The following GAREM1 variants were observed in gnomAD, a reference collection of about 807,000 sequenced individuals.
The protein encoded by GAREM1 is GRB2-associated and regulator of MAPK protein 1.
Under a neutral mutation model 71.3 loss-of-function variants are expected in GAREM1, and 26 were observed. That is an observed-to-expected ratio of 0.36 (90% CI 0.27 to 0.51). The LOEUF (loss-of-function observed/expected upper bound fraction) is 0.51, where lower values mean the gene tolerates loss of function less well. GAREM1 is among the 20% of genes least tolerant of loss of function. GAREM1 has a pLI of 0.95. For missense variants in GAREM1, 1,026 were observed against 1,103.1 expected, an observed-to-expected ratio of 0.93 and a Z score of 0.99; for synonymous variants, 440 against 433.2, an observed-to-expected ratio of 1.02 and a Z score of -0.20.
intron 2 of GAREM1, among the ~76,000 whole-genome samples, chr18:32,340,708 T>C (rs970086651): frequency 3.9e-5 from 6 of 152,186 alleles, no homozygotes; most frequent in Admixed American, 1.3e-4. Flanking sequence ...TTATATAGTA[T>C]TTACTGGATG....
intron 2 of GAREM1, among the ~76,000 whole-genome samples, chr18:32,363,886 T>C (rs1050320773): frequency 6.8e-6 from 1 of 146,086 alleles, no homozygotes; most frequent in African/African-American, 2.6e-5. Context: ...TCTTTCATCA[T>C]ATTTTGGTCA....
intron 1 of GAREM1, among the ~76,000 whole-genome samples, chr18:32,453,232 C>G (rs1222904628): frequency 3.3e-5 from 5 of 152,204 alleles, no homozygotes; most frequent in Non-Finnish European, 5.9e-5. Flanking sequence ...GAGAACAGTA[C>G]AGGGGAAACT....
Position 32,268,165 on chromosome 18 carries a change from G to A in GAREM1, c.2337C>T (p.Ala779=). Residue 779 remains alanine, a synonymous_variant, in exon 6 of 6, where the codon GCC becomes GCT. Transcript: ENST00000269209. The part of the protein sequence containing the change: ...VKKGMQDIFS[A]SYPFSSPLHL... ...GGAGCGGAGATGAGAAAGGGTAGGAGGCAGAGAAGATGTCCTGCATGCCCT... is the reference window on the plus strand; with the variant it reads ...GGAGCGGAGATGAGAAAGGGTAGGAAGCAGAGAAGATGTCCTGCATGCCCT... The A allele has an allele frequency of 1.2e-6, 2 of 1,614,118 alleles. No homozygotes were observed. Among genetic ancestry groups the A allele is most frequent in the South Asian group, 2.2e-5 (2 of 91,064 alleles).
chr18:32,281,621 C>A (rs2046952044), intron 4 of GAREM1, among the ~76,000 whole-genome samples: 1 of 152,196 alleles, frequency 6.6e-6, no homozygotes, highest in African/African-American at 2.4e-5. Context: ...TTTCCTTTTA[C>A]CAGGAATTGC....
At chr18:32,355,541 T>G (rs184403817) in intron 2 of GAREM1, among the ~76,000 whole-genome samples, 2 of 152,176 alleles carry the variant, frequency 1.3e-5, no homozygotes, top group Admixed American at 6.5e-5. Flanking sequence ...GTTTCATCAC[T>G]AAAAAGAGTG....
intron 2 of GAREM1, among the ~76,000 whole-genome samples, chr18:32,328,235 C>T (rs1003308085): frequency 6.6e-6 from 1 of 152,070 alleles, no homozygotes; most frequent in African/African-American, 2.4e-5. Flanking sequence ...TTTCCAATGT[C>T]TATTCAATTT....
intron 5 of GAREM1, among the ~76,000 whole-genome samples, chr18:32,269,657 T>TA (rs1056332554): frequency 6.6e-6 from 1 of 152,134 alleles, no homozygotes; most frequent in Non-Finnish European, 1.5e-5. Context: ...CTCAATATAA[T>TA]AAAGGGTGTT....
intron 2 of GAREM1, among the ~76,000 whole-genome samples, chr18:32,339,868 T>C (rs2144572614): frequency 6.6e-6 from 1 of 152,348 alleles, no homozygotes; most frequent in South Asian, 2.1e-4. Context: ...CATCCGAATG[T>C]TTCCTGAAGC....
intron 2 of GAREM1, among the ~76,000 whole-genome samples, chr18:32,387,665 T>C (rs989065067): frequency 6.6e-6 from 1 of 152,204 alleles, no homozygotes; most frequent in Non-Finnish European, 1.5e-5. Flanking sequence ...CTAAAACTTA[T>C]TTTGCCAGAA....
chr18:32,300,682 A>G (rs1365097766), intron 3 of GAREM1, among the ~76,000 whole-genome samples: 1 of 152,116 alleles, frequency 6.6e-6, no homozygotes, highest in African/African-American at 2.4e-5. Flanking sequence ...CGAGGCGGGC[A>G]AATCGCTTGA....
At chr18:32,282,164 T>A (rs903720803) in intron 4 of GAREM1, among the ~76,000 whole-genome samples, 2 of 152,132 alleles carry the variant, frequency 1.3e-5, no homozygotes, top group Admixed American at 6.6e-5. Flanking sequence ...TAAACAGCCA[T>A]GTTGCTCACA....
At chr18:32,295,331 A>G (rs2047129868) in intron 3 of GAREM1, among the ~76,000 whole-genome samples, 1 of 152,222 alleles carries the variant, frequency 6.6e-6, no homozygotes, top group South Asian at 2.1e-4. Flanking sequence ...CCACATGATC[A>G]TAGTACACTT....
chr18:32,288,293 C>T, intron 3 of GAREM1, 90 bp from the exon 4 acceptor site: 1 of 1,037,792 alleles, frequency 9.6e-7, no homozygotes, highest in South Asian at 1.7e-5. Context: ...AATACACACA[C>T]AGAGGAAAAT....
At chr18:32,468,960 T>TGCCC (rs2049023776) in intron 1 of GAREM1, among the ~76,000 whole-genome samples, 1 of 82,206 alleles carries the variant, frequency 1.2e-5, no homozygotes, top group Non-Finnish European at 2.4e-5. Context: ...CACCTGTGCG[T>TGCCC]CCCCCCCCCC....
chr18:32,452,921 T>C (rs1160361424), intron 1 of GAREM1, among the ~76,000 whole-genome samples: 1 of 151,272 alleles, frequency 6.6e-6, no homozygotes, highest in African/African-American at 2.5e-5. Context: ...TAGGTATGTA[T>C]GTGTGTGTGT....
intron 1 of GAREM1, among the ~76,000 whole-genome samples, chr18:32,468,062 A>G (rs890684145): frequency 6.6e-6 from 1 of 152,220 alleles, no homozygotes; most frequent in Admixed American, 6.5e-5. Context: ...GCAGACTGAT[A>G]CTATCACAAT....
chr18:32,415,601 C>G (rs2048459089), intron 1 of GAREM1, among the ~76,000 whole-genome samples: 1 of 152,026 alleles, frequency 6.6e-6, no homozygotes, highest in Admixed American at 6.6e-5. Flanking sequence ...CACATCATAT[C>G]AACAGAATGA....
intron 1 of GAREM1, among the ~76,000 whole-genome samples, chr18:32,447,349 T>C (rs2048794735): frequency 6.6e-6 from 1 of 152,104 alleles, no homozygotes; most frequent in Non-Finnish European, 1.5e-5. Flanking sequence ...TCAACTAAAT[T>C]CTCTACTTTT....
chr18:32,446,488 G>C (rs1257014822), intron 1 of GAREM1, among the ~76,000 whole-genome samples: 1 of 152,110 alleles, frequency 6.6e-6, no homozygotes, highest in African/African-American at 2.4e-5. Context: ...ATGCAAGCTG[G>C]ACTATCCTGA....
Sources: allele counts gnomAD v4.1 joint callset (sites outside exome capture counted in the v4.1 genomes callset), GRCh38; gene constraint gnomAD v4.1.1; transcripts MANE v1.5; gene names NCBI Gene and HGNC (gene_info 2026-07-23, HGNC 2026-07-21).